The following TRMO variants were observed in gnomAD, a reference collection of about 807,000 sequenced individuals.
TRMO encodes tRNA methyltransferase O.
A neutral mutation model predicts 37.2 loss-of-function variants in TRMO; 30 were observed. The ratio of observed to expected loss-of-function variants is 0.81; its 90% CI spans 0.60 to 1.09. The LOEUF (loss-of-function observed/expected upper bound fraction) is 1.09, where lower values mean the gene tolerates loss of function less well. Among genes scored for constraint, TRMO ranks in the 50% least tolerant of loss-of-function variants. TRMO has a pLI of 0.00. For synonymous variants in TRMO, 239 were observed against 199.4 expected (o/e 1.20, Z -1.67); for missense variants, 552 against 549.5 (o/e 1.00, Z -0.05).
Position 97,909,959 on chromosome 9 carries a change from C to T in TRMO, c.1066+1G>A, listed in dbSNP as rs1826030979. Reference sequence around the variant, plus strand: ...ATTCAGAATGAAGAAACTGAAGATACCTTGTGAACTGAGCTGCCCAAGGTC... The same window carrying T: ...ATTCAGAATGAAGAAACTGAAGATATCTTGTGAACTGAGCTGCCCAAGGTC... On this transcript the variant is annotated splice_donor_variant, in intron 4 of 4. Coordinates refer to ENST00000375119, the MANE Select transcript of TRMO (RefSeq NM_016481.5). LOFTEE classifies it high-confidence loss of function. 4 of 1,520,536 alleles carry T rather than the reference C, an allele frequency of 2.6e-6. No homozygotes were observed. Among genetic ancestry groups the T allele is most frequent in the African/African-American group, 2.8e-5 (2 of 71,668 alleles). The allele number at this position is 1,520,536 out of a possible 1,614,324, so 94.2% of individuals were successfully genotyped here. A position where few individuals can be genotyped will look rare whatever the true frequency, so the allele number is the denominator to read the frequency against.
the TRMO span, among the ~76,000 whole-genome samples, chr9:97,898,838 C>CTTTTTTTTTTT: frequency 1.8e-4 from 16 of 89,056 alleles, 4 homozygotes; most frequent in African/African-American, 3.1e-4. Flanking sequence ...TATATATATA[C>CTTTTTTTTTTT]TTTTTTTTTT....
intron 1 of TRMO, among the ~76,000 whole-genome samples, chr9:97,916,868 A>G (rs1219733510): frequency 7.3e-6 from 1 of 136,584 alleles, no homozygotes. Context: ...ACCACGCTCA[A>G]CTTTTTTTTT....
At chr9:97,911,509 G>C (rs1208565478) in intron 3 of TRMO, 1 of 152,280 alleles carries the variant, frequency 6.6e-6, no homozygotes, top group African/African-American at 2.4e-5. Flanking sequence ...CATATCAGCT[G>C]ACAATTTAAT....
intron 2 of TRMO, chr9:97,915,785 C>T (rs1352327272): frequency 6.4e-6 from 1 of 155,548 alleles, no homozygotes; most frequent in Non-Finnish European, 1.4e-5. Flanking sequence ...CTCACTACTG[C>T]ACTTGTCTTA....
downstream of TRMO, among the ~76,000 whole-genome samples, chr9:97,904,030 C>G (rs574659594): frequency 5.9e-5 from 9 of 151,908 alleles, no homozygotes; most frequent in Non-Finnish European, 1.2e-4. Context: ...TGCAGTGAGC[C>G]GAGATCACGC....
intron 4 of TRMO, among the ~76,000 whole-genome samples, chr9:97,905,277 G>GATGTCACTTTTCTGATATCCAAA (rs1381222834): frequency 6.6e-6 from 1 of 152,176 alleles, no homozygotes; most frequent in Non-Finnish European, 1.5e-5. Flanking sequence ...TGTCAGCCAA[G>GATGTCACTTTTCTGATATCCAAA]ATGTCACTTT....
chr9:97,901,757 T>TAA (rs11375112), downstream of TRMO, among the ~76,000 whole-genome samples: 456 of 144,584 alleles, frequency 3.2e-3, 1 homozygote, highest in African/African-American at 6.0e-3. Context: ...TCTCAAAGGC[T>TAA]AAAAAAAAAA....
chr9:97,908,098 A>T (rs1825934032), intron 4 of TRMO, among the ~76,000 whole-genome samples: 1 of 151,872 alleles, frequency 6.6e-6, no homozygotes, highest in South Asian at 2.1e-4. Flanking sequence ...TGGGCAACAA[A>T]ATGAGACCCC....
At chr9:97,902,504 G>A (rs1216352537), downstream of TRMO, among the ~76,000 whole-genome samples, 1 of 152,110 alleles carries the variant, frequency 6.6e-6, no homozygotes, top group Non-Finnish European at 1.5e-5. Flanking sequence ...GTTTCACCAT[G>A]TTGGCCAGGC....
In TRMO at chr9:97,913,564, GAAAAC is replaced by G. The variant is rs751819442; in HGVS notation, c.252-11_252-7del. ...TGTGAAAAACAAACAAAATCCTATA[GAAAAC>G]AAAACAAAACAAACCACGGAATAAG... is the stretch of plus-strand genomic sequence containing the variant. On this transcript the variant is annotated splice_region_variant and splice_polypyrimidine_tract_variant and intron_variant, in intron 2 of 4. Coordinates refer to ENST00000375119, the MANE Select transcript of TRMO (RefSeq NM_016481.5). 1.1e-5 allele frequency: 17 copies of G among 1,586,432 alleles called. No homozygotes were observed. The highest frequency in any genetic ancestry group is 1.7e-5 in the Admixed American group (1 of 58,912).
intron 4 of TRMO, among the ~76,000 whole-genome samples, chr9:97,907,687 C>T (rs574573570): frequency 6.6e-6 from 1 of 152,280 alleles, no homozygotes; most frequent in Admixed American, 6.5e-5. Flanking sequence ...TCAAGTTCCT[C>T]TGCCTTTTAC....
intron 3 of TRMO, chr9:97,912,738 C>T (rs970351443): frequency 5.5e-6 from 2 of 366,578 alleles, no homozygotes; most frequent in Admixed American, 6.4e-5. Context: ...TCTCTTGACT[C>T]CTAGTTTACC....
intron 2 of TRMO, among the ~76,000 whole-genome samples, chr9:97,914,712 A>G (rs1826275625): frequency 6.6e-6 from 1 of 152,216 alleles, no homozygotes; most frequent in African/African-American, 2.4e-5. Flanking sequence ...TACTGTCGTG[A>G]AAGTTCTCCA....
At chr9:97,913,281 G>T (rs763004047) in intron 3 of TRMO, 120 bp downstream of exon 3, 1 of 1,100,914 alleles carries the variant, frequency 9.1e-7, no homozygotes, top group Non-Finnish European at 1.4e-6. Flanking sequence ...ATGTCTGGTG[G>T]TTCTCAGGAG....
At position 97,913,282 on chromosome 9, in the gene TRMO, T is replaced by C. The variant is rs765144462; in HGVS notation, c.409+119A>G. ...TTGTATTTTCTTCAATGTCTGGTGGTTCTCAGGAGTTAACATCATTGGTAC... is the reference window on the plus strand; with the variant it reads ...TTGTATTTTCTTCAATGTCTGGTGGCTCTCAGGAGTTAACATCATTGGTAC... On this transcript the variant is annotated intron_variant, in intron 3 of 4. Transcript: ENST00000375119. The C allele has an allele frequency of 1.5e-5, 18 of 1,197,284 alleles. 1 individual carries two copies. The highest frequency in any genetic ancestry group is 2.2e-5 in the Non-Finnish European group (18 of 806,780). The allele number at this position is 1,197,284 out of a possible 1,614,324, so 74.2% of individuals were successfully genotyped here. A position where few individuals can be genotyped will look rare whatever the true frequency, so the allele number is the denominator to read the frequency against.
chr9:97,908,407 G>A (rs1049942773), intron 4 of TRMO, among the ~76,000 whole-genome samples: 17 of 91,872 alleles, frequency 1.9e-4, no homozygotes, highest in African/African-American at 4.0e-4. Context: ...GCGAGACTCC[G>A]TCTCAAAAAA....
Position 97,922,474 on chromosome 9 carries a change from G to C in TRMO, c.20C>G (p.Ser7Trp), listed in dbSNP as rs764684064. The stretch of plus-strand genomic sequence containing the variant: ...CGGGGTCGCTGTAGGCCGAGGCCCC[G>C]ACTCCTCCAAGCCGCGCATGGCTAC... Reference protein sequence around the residue: MRGLEESGPRPTATPCG... With the variant: MRGLEEWGPRPTATPCG... The change falls in exon 1 of 5, where the codon TCG (serine) becomes TGG (tryptophan). Residue 7 changes from serine (S) to tryptophan (W), a missense_variant. Coordinates refer to ENST00000375119, the MANE Select transcript of TRMO (RefSeq NM_016481.5). 12 of 1,584,780 alleles carry C rather than the reference G, an allele frequency of 7.6e-6. No homozygotes were observed. The highest frequency in any genetic ancestry group is 1.0e-5 in the Non-Finnish European group (12 of 1,166,936).
Position 97,904,867 on chromosome 9 carries a change from A to G in TRMO, c.1192T>C (p.Tyr398His). Residue 398 changes from tyrosine to histidine, a missense_variant, in exon 5 of 5, where the codon TAC becomes CAC. Physicochemically the swap from Tyr to His is moderately conservative, Grantham distance 83 (BLOSUM62 2). Coordinates refer to ENST00000375119, the MANE Select transcript of TRMO (RefSeq NM_016481.5). Reference sequence around the variant, plus strand: ...ACATGCGCTATGTCTACAGTAAAGTAGAAAAGGCGGTCCTGGCAAAGCTTC... The same window carrying G: ...ACATGCGCTATGTCTACAGTAAAGTGGAAAAGGCGGTCCTGGCAAAGCTTC... ...RRKLCQDRLF[Y>H]FTVDIAHVTC... is the part of the protein sequence containing the mutation. The G allele has an allele frequency of 6.2e-7, 1 of 1,614,250 alleles. No individual in the cohort carries two copies. The highest frequency in any genetic ancestry group is 8.5e-7 in the Non-Finnish European group (1 of 1,180,042).
intron 3 of TRMO, chr9:97,912,038 T>C (rs1385501873): frequency 6.6e-6 from 1 of 152,218 alleles, no homozygotes; most frequent in Non-Finnish European, 1.5e-5. Flanking sequence ...TCAAAGGATT[T>C]AGAGTCAGAT....
Sources: gnomAD v4.1 joint callset for allele counts (sites outside exome capture counted in the v4.1 genomes callset) on GRCh38, gnomAD v4.1.1 for gene constraint, MANE v1.5 for transcripts, NCBI Gene and HGNC (gene_info 2026-07-23, HGNC 2026-07-21) for gene names.